CALD1: variants seen among roughly 807,000 people sequenced by gnomAD.
CALD1 encodes caldesmon.
CALD1 carries 33 observed loss-of-function variants against 99.9 expected under a neutral mutation model. That is an observed-to-expected ratio of 0.33 (90% CI 0.25 to 0.44). The LOEUF (loss-of-function observed/expected upper bound fraction) is 0.44, where lower values mean the gene tolerates loss of function less well. Ranked by LOEUF, CALD1 falls within the 20% of genes least tolerant of loss-of-function variation. The pLI is 1.00. For missense variants in CALD1, 861 were observed against 962.1 expected (o/e 0.89, Z 1.39); for synonymous variants, 310 against 325.0 (o/e 0.95, Z 0.50).
chr7:134,932,990 T>C lies in CALD1; in HGVS notation c.221T>C (p.Val74Ala). 1 of 1,601,922 alleles carries C rather than the reference T, an allele frequency of 6.2e-7. No individual in the cohort carries two copies. Among genetic ancestry groups the C allele is most frequent in the East Asian group, 2.2e-5 (1 of 44,762 alleles). Residue 74 changes from valine (V) to alanine (A), a missense_variant and splice_region_variant, in exon 5 of 15, where the codon GTG becomes GCG. By Grantham distance (64) the Val-to-Ala change is moderately conservative (BLOSUM62 0). This residue lies in a region of CALD1 where 123 missense variants were observed against 169.8 expected (regional missense o/e 0.72). Coordinates refer to ENST00000361675, the MANE Select transcript of CALD1 (RefSeq NM_033138.4). ...GTGTTGTTCTTTCTGTTGTACAGTG[T>C]GCCTGACGAGGAGGCCAAGACAACC... is the stretch of plus-strand genomic sequence containing the variant. ...DQVEVNAQNSVPDEEAKTTTT... is the reference protein window; with the variant it reads ...DQVEVNAQNSAPDEEAKTTTT...
Position 134,928,864 on chromosome 7 carries a change from A to C in CALD1, c.182A>C (p.Gln61Pro), listed in dbSNP as rs1660128189. 1 of 1,613,748 alleles carries C rather than the reference A, an allele frequency of 6.2e-7. No individual in the cohort carries two copies. Among genetic ancestry groups the C allele is most frequent in the Non-Finnish European group, 8.5e-7 (1 of 1,179,904 alleles). Residue 61 changes from glutamine to proline, a missense_variant, in exon 4 of 15, where the codon CAG (glutamine) becomes CCG (proline). Coordinates refer to ENST00000361675, the MANE Select transcript of CALD1 (RefSeq NM_033138.4). ...RQKQEEESLG[Q>P]VTDQVEVNAQ... is the part of the protein sequence containing the mutation. ...AAGCAGGAGGAAGAATCCTTGGGAC[A>C]GGTGACCGACCAGGTGGAGGTGAAT...
At chr7:134,712,951 C>T in the CALD1 span, among the ~76,000 whole-genome samples, 1 of 152,206 alleles carries the variant, frequency 6.6e-6, no homozygotes, top group South Asian at 2.1e-4. Context: ...CCATTCACTC[C>T]TTCCCTCTTT....
At chr7:134,899,176 C>G (rs532198788) in intron 3 of CALD1, among the ~76,000 whole-genome samples, 1 of 151,736 alleles carries the variant, frequency 6.6e-6, no homozygotes, top group South Asian at 2.1e-4. Flanking sequence ...CTCACACAGA[C>G]ATTGGTTAGA....
At chr7:134,850,220 A>T (rs1189240805) in intron 2 of CALD1, among the ~76,000 whole-genome samples, 2 of 152,246 alleles carry the variant, frequency 1.3e-5, no homozygotes, top group African/African-American at 4.8e-5. Context: ...TGCTGACAGG[A>T]AACAGCTCCT....
At chr7:134,939,538 T>C (rs1459371365) in intron 6 of CALD1, among the ~76,000 whole-genome samples, 4 of 152,188 alleles carry the variant, frequency 2.6e-5, no homozygotes, top group African/African-American at 4.8e-5. Context: ...TGGTGAAAGA[T>C]TGAAGTCTTA....
chr7:134,756,987 T>G (rs1455683809), intron 1 of CALD1, among the ~76,000 whole-genome samples: 1 of 152,222 alleles, frequency 6.6e-6, no homozygotes, highest in Non-Finnish European at 1.5e-5. Context: ...ACTTTACTGA[T>G]TTGCTTCATT....
At chr7:134,938,717 A>G (rs1375775501) in intron 6 of CALD1, among the ~76,000 whole-genome samples, 1 of 152,226 alleles carries the variant, frequency 6.6e-6, no homozygotes, top group Non-Finnish European at 1.5e-5. Flanking sequence ...TTTCAGTTGA[A>G]CTCAAATCGT....
chr7:134,839,346 A>G (rs1799562053), intron 1 of CALD1, among the ~76,000 whole-genome samples: 1 of 152,166 alleles, frequency 6.6e-6, no homozygotes, highest in East Asian at 1.9e-4. Flanking sequence ...TTTCATGGCT[A>G]TTATTAATAG....
At chr7:134,770,814 T>C (rs928891387) in intron 1 of CALD1, among the ~76,000 whole-genome samples, 1 of 152,162 alleles carries the variant, frequency 6.6e-6, no homozygotes, top group Non-Finnish European at 1.5e-5. Context: ...AAAGCAAACA[T>C]GTGACGCCTC....
intron 8 of CALD1, 78 bp downstream of exon 8, chr7:134,947,847 G>C: frequency 6.6e-7 from 1 of 1,506,380 alleles, no homozygotes; most frequent in South Asian, 1.3e-5. Context: ...TTTGAGCATG[G>C]GCTCTCAAAA....
At chr7:134,716,291 A>G in the CALD1 span, among the ~76,000 whole-genome samples, 2 of 152,212 alleles carry the variant, frequency 1.3e-5, no homozygotes, top group Admixed American at 1.3e-4. Context: ...ACTGGCTACT[A>G]TAAAAATTCA....
chr7:134,828,687 T>A (rs1799103436), intron 1 of CALD1, among the ~76,000 whole-genome samples: 1 of 152,180 alleles, frequency 6.6e-6, no homozygotes, highest in Non-Finnish European at 1.5e-5. Flanking sequence ...GAAAATCCAA[T>A]GAGATAATGC....
chr7:134,807,900 T>A (rs987448770), intron 1 of CALD1, among the ~76,000 whole-genome samples: 4 of 152,092 alleles, frequency 2.6e-5, no homozygotes, highest in Non-Finnish European at 5.9e-5. Context: ...AGTGCTGGGA[T>A]TACAAGCGTA....
At chr7:134,798,931 T>C (rs759624870) in intron 1 of CALD1, among the ~76,000 whole-genome samples, 1 of 152,190 alleles carries the variant, frequency 6.6e-6, no homozygotes, top group Admixed American at 6.5e-5. Flanking sequence ...TGGGGCTTTA[T>C]AACGTTCCCT....
intron 3 of CALD1, among the ~76,000 whole-genome samples, chr7:134,912,477 T>C (rs529965769): frequency 3.9e-5 from 6 of 152,320 alleles, no homozygotes; most frequent in African/African-American, 1.4e-4. Flanking sequence ...AGGACACTAA[T>C]GCTTGTGAAC....
At chr7:134,893,763 G>A (rs1802370128) in intron 3 of CALD1, among the ~76,000 whole-genome samples, 1 of 152,172 alleles carries the variant, frequency 6.6e-6, no homozygotes. Context: ...CGAGGAAAAT[G>A]ACGAGGCAAG....
chr7:134,782,520 GA>G (rs1325930898), intron 1 of CALD1, among the ~76,000 whole-genome samples: 1 of 152,180 alleles, frequency 6.6e-6, no homozygotes, highest in Admixed American at 6.6e-5. Flanking sequence ...TAACTTATGA[GA>G]ACCACTACAA....
At chr7:134,928,428 C>CAAA (rs11355152) in intron 3 of CALD1, among the ~76,000 whole-genome samples, 5 of 55,656 alleles carry the variant, frequency 9.0e-5, no homozygotes, top group Admixed American at 2.8e-4. Context: ...GACTGGGTCT[C>CAAA]AAAAAAAAAA....
intron 1 of CALD1, among the ~76,000 whole-genome samples, chr7:134,809,202 C>G (rs900468822): frequency 6.6e-6 from 1 of 152,170 alleles, no homozygotes. Flanking sequence ...GTACTACAAT[C>G]CTGCTTATGG....
Sources: allele counts gnomAD v4.1 joint callset (sites outside exome capture counted in the v4.1 genomes callset), GRCh38; gene constraint gnomAD v4.1.1; regional missense constraint gnomAD v4.1.1; transcripts MANE v1.5; gene names NCBI Gene and HGNC (gene_info 2026-07-23, HGNC 2026-07-21).